A2ML1: variants seen among roughly 807,000 people sequenced by gnomAD.
A2ML1 encodes the protein alpha-2-macroglobulin-like protein 1.
Under a neutral mutation model 181.9 loss-of-function variants are expected in A2ML1, and 161 were observed. The observed-to-expected ratio is 0.89, with a 90% CI of 0.78 to 1.01. The LOEUF (loss-of-function observed/expected upper bound fraction) is 1.01, where lower values mean the gene tolerates loss of function less well. Among genes scored for constraint, A2ML1 ranks in the 50% least tolerant of loss-of-function variants. The pLI, the probability that A2ML1 is intolerant of heterozygous loss-of-function variation, is 0.00. For synonymous variants in A2ML1, 663 were observed against 666.8 expected (o/e 0.99, Z 0.09); for missense variants, 1,670 against 1,768.1 (o/e 0.94, Z 1.00).
At chr12:8,886,010 T>TCACACATACA (rs1944918328) in intron 7 of A2ML1, among the ~76,000 whole-genome samples, 1 of 144,894 alleles carries the variant, frequency 6.9e-6, no homozygotes, top group Admixed American at 7.0e-5. Context: ...CAACAATATC[T>TCACACATACA]CACACACACA....
chr12:8,822,777 CA>C (rs1386184802), intron 1 of A2ML1, 64 bp downstream of exon 1: 2 of 1,484,722 alleles, frequency 1.3e-6, no homozygotes, highest in Non-Finnish European at 1.9e-6. Context: ...CTTTCTCAAA[CA>C]TTTATATGGA....
At chr12:8,834,345 T>C (rs373752662) in intron 4 of A2ML1, among the ~76,000 whole-genome samples, 71 of 152,314 alleles carry the variant, frequency 4.7e-4, no homozygotes, top group African/African-American at 1.7e-3. Context: ...TTTTAGGGCA[T>C]GTTTCTTGTG....
intron 7 of A2ML1, among the ~76,000 whole-genome samples, chr12:8,884,246 G>GTTTTT (rs979518549): frequency 1.5e-5 from 2 of 134,934 alleles, no homozygotes; most frequent in Non-Finnish European, 1.6e-5. Context: ...TTTTTGTTTT[G>GTTTTT]TTTTTTTTTA....
intron 16 of A2ML1, 76 bp from the exon 17 acceptor site, chr12:8,849,592 TG>T: frequency 8.7e-7 from 1 of 1,150,536 alleles, no homozygotes; most frequent in Non-Finnish European, 1.3e-6. Flanking sequence ...AACTCTTTGA[TG>T]GTGGAATTCC....
Position 8,823,834 on chromosome 12 carries a change from G to A in A2ML1, c.361G>A (p.Gly121Ser), listed in dbSNP as rs768048394. Residue 121 changes from glycine (G) to serine (S), a missense_variant, in exon 3 of 36, where the codon GGC becomes AGC. Coordinates refer to ENST00000299698, the MANE Select transcript of A2ML1 (RefSeq NM_144670.6). Reference sequence around the variant, plus strand: ...GGTTCTAATTCAGAGGCAGGGGAACGGCACCTTTGTACAGACTGACAAACC... The same window carrying A: ...GGTTCTAATTCAGAGGCAGGGGAACAGCACCTTTGTACAGACTGACAAACC... ...KKVLIQRQGN[G>S]TFVQTDKPLY... 1.1e-5 allele frequency: 17 copies of A among 1,613,990 alleles called. No homozygotes were observed. Among genetic ancestry groups the A allele is most frequent in the Middle Eastern group, 1.7e-4 (1 of 6,058 alleles).
chr12:8,862,912 A>T (rs1944314633), intron 28 of A2ML1, among the ~76,000 whole-genome samples: 1 of 151,794 alleles, frequency 6.6e-6, no homozygotes, highest in Admixed American at 6.6e-5. Context: ...CAGTCTTCTC[A>T]TTTCTTATTT....
chr12:8,864,261 G>A (rs61919498), intron 29 of A2ML1, among the ~76,000 whole-genome samples: 1 of 117,314 alleles, frequency 8.5e-6, no homozygotes, highest in African/African-American at 3.1e-5. Flanking sequence ...GCCTGTCATC[G>A]CAGCACTTTG....
At chr12:8,825,313 T>C (rs936386664) in intron 3 of A2ML1, among the ~76,000 whole-genome samples, 8 of 152,218 alleles carry the variant, frequency 5.3e-5, no homozygotes, top group African/African-American at 1.9e-4. Flanking sequence ...TAATATCTCA[T>C]TGTAGTTTTG....
At chr12:8,828,250 G>C (rs1565461383) in intron 3 of A2ML1, among the ~76,000 whole-genome samples, 1 of 152,172 alleles carries the variant, frequency 6.6e-6, no homozygotes, top group Non-Finnish European at 1.5e-5. Context: ...CCAGGGCCTG[G>C]AGTCAGAAAC....
chr12:8,868,539 A>G lies in A2ML1; in HGVS notation c.4064A>G (p.Tyr1355Cys), dbSNP rs1944507498. The G allele has an allele frequency of 6.2e-7, 1 of 1,613,756 alleles. No individual in the cohort carries two copies. Among genetic ancestry groups the G allele is most frequent in the Non-Finnish European group, 8.5e-7 (1 of 1,179,940 alleles). The change falls in exon 32 of 36, where the codon TAT becomes TGT. Residue 1355 changes from tyrosine to cysteine, a missense_variant and splice_region_variant. Transcript: ENST00000299698. ...RSLTLTIHTS[Y>C]VGSRSSSNMA... The stretch of plus-strand genomic sequence containing the variant: ...TGTTTTCTTCTTCCTGCTCTCAGTT[A>G]TGTGGGGAGCCGTAGCTCTTCCAAT...
chr12:8,842,248 C>T (rs1402496209), intron 11 of A2ML1, among the ~76,000 whole-genome samples: 1 of 150,064 alleles, frequency 6.7e-6, no homozygotes, highest in South Asian at 2.1e-4. Context: ...GACAGAGTCT[C>T]ACTCTGTCAC....
At chr12:8,823,928 CT>C in intron 3 of A2ML1, 46 bp downstream of exon 3, 1 of 1,579,534 alleles carries the variant, frequency 6.3e-7, no homozygotes, top group Non-Finnish European at 8.6e-7. Context: ...GGGGAAACCG[CT>C]GTGCACAGGG....
chr12:8,882,202 G>A (rs1399178976), intron 7 of A2ML1, among the ~76,000 whole-genome samples: 1 of 151,994 alleles, frequency 6.6e-6, no homozygotes. Flanking sequence ...ATGAGAAGAG[G>A]AGAGACTGAA....
chr12:8,871,937 T>A (rs1053955915), intron 33 of A2ML1, among the ~76,000 whole-genome samples: 16 of 152,036 alleles, frequency 1.1e-4, no homozygotes, highest in African/African-American at 3.9e-4. Context: ...CCCAGCACTT[T>A]GGGAGGCTGA....
intron 26 of A2ML1, among the ~76,000 whole-genome samples, chr12:8,858,849 A>C (rs911666050): frequency 6.6e-6 from 1 of 152,104 alleles, no homozygotes; most frequent in African/African-American, 2.4e-5. Context: ...CCATCTGGGA[A>C]AGCCATTTCC....
chr12:8,825,357 A>T (rs913605230), intron 3 of A2ML1, among the ~76,000 whole-genome samples: 8 of 152,062 alleles, frequency 5.3e-5, no homozygotes, highest in African/African-American at 1.9e-4. Flanking sequence ...TGATTTGAGC[A>T]CCTTTTTTAT....
Position 8,875,081 on chromosome 12 carries a change from G to T in A2ML1, c.*1+69G>T. ...CAGAAGTTAAGAGGAGCCTCTTTTC[G>T]AGTTACTGTCATTGTCTTTTTTTGA... is the stretch of plus-strand genomic sequence containing the variant. On this transcript the variant is annotated intron_variant, in intron 35 of 35. Transcript: ENST00000299698. 2.0e-6 allele frequency: 3 copies of T among 1,510,486 alleles called. No homozygotes were observed. In the South Asian group the frequency reaches 3.4e-5, roughly 17 times the overall value. 93.6% of individuals were successfully genotyped at this position (1,510,486 alleles called of 1,614,324 possible).
At chr12:8,847,040 T>G (rs1342185517) in intron 14 of A2ML1, among the ~76,000 whole-genome samples, 1 of 151,304 alleles carries the variant, frequency 6.6e-6, no homozygotes, top group African/African-American at 2.4e-5. Context: ...GTTCAAGTGA[T>G]TCTCTTGCCT....
At chr12:8,858,193 G>A in intron 26 of A2ML1, 91 bp downstream of exon 26, 1 of 1,448,574 alleles carries the variant, frequency 6.9e-7, no homozygotes, top group Non-Finnish European at 9.2e-7. Context: ...ACTGGCCTGG[G>A]AATCAGTTTT....
Sources: allele counts gnomAD v4.1 joint callset (sites outside exome capture counted in the v4.1 genomes callset), GRCh38; gene constraint gnomAD v4.1.1; transcripts MANE v1.5; gene names NCBI Gene and HGNC (gene_info 2026-07-23, HGNC 2026-07-21).